The following GRIN3A variants were observed in gnomAD, a reference collection of about 807,000 sequenced individuals.
GRIN3A encodes glutamate receptor ionotropic, NMDA 3A.
Under a neutral mutation model 92.4 loss-of-function variants are expected in GRIN3A, and 47 were observed. The ratio of observed to expected loss-of-function variants is 0.51; its 90% CI spans 0.40 to 0.65. The LOEUF (loss-of-function observed/expected upper bound fraction) is 0.65, where lower values mean the gene tolerates loss of function less well. Ranked by LOEUF, GRIN3A falls within the 30% of genes least tolerant of loss-of-function variation. GRIN3A has a pLI of 0.00. For synonymous variants in GRIN3A, 527 were observed against 540.6 expected (o/e 0.97, Z 0.35); for missense variants, 1,324 against 1,393.1 (o/e 0.95, Z 0.79).
intron 6 of GRIN3A, among the ~76,000 whole-genome samples, chr9:101,580,120 C>G (rs1207584912): frequency 1.3e-5 from 2 of 152,148 alleles, no homozygotes; most frequent in African/African-American, 4.8e-5. Flanking sequence ...ATATTTATGA[C>G]TCCTCCTATA....
intron 3 of GRIN3A, among the ~76,000 whole-genome samples, chr9:101,641,358 T>A (rs1828859491): frequency 6.6e-6 from 1 of 152,166 alleles, no homozygotes; most frequent in Non-Finnish European, 1.5e-5. Context: ...GTGGCACTAT[T>A]CACAATAGCA....
intron 3 of GRIN3A, among the ~76,000 whole-genome samples, chr9:101,660,331 G>T (rs1419615022): frequency 6.6e-6 from 1 of 151,750 alleles, no homozygotes; most frequent in Admixed American, 6.6e-5. Context: ...ACAATGTCCT[G>T]GCTCAAACAC....
At chr9:101,644,934 A>G (rs1421430154) in intron 3 of GRIN3A, among the ~76,000 whole-genome samples, 2 of 151,916 alleles carry the variant, frequency 1.3e-5, no homozygotes, top group Non-Finnish European at 2.9e-5. Context: ...AGACATGCAT[A>G]CAATATGTAA....
chr9:101,715,575 T>G (rs1002461277), intron 1 of GRIN3A, among the ~76,000 whole-genome samples: 2 of 152,142 alleles, frequency 1.3e-5, no homozygotes, highest in African/African-American at 4.8e-5. Context: ...AAGTTTCACA[T>G]TTTTTTGATT....
intron 3 of GRIN3A, among the ~76,000 whole-genome samples, chr9:101,660,162 A>G (rs1255996537): frequency 6.6e-6 from 1 of 151,870 alleles, no homozygotes; most frequent in East Asian, 1.9e-4. Flanking sequence ...CTGGGGCAGC[A>G]TCATCTGTCT....
Position 101,738,239 on chromosome 9 carries a change from G to C in GRIN3A, c.-260C>G, listed in dbSNP as rs1830245352. On this transcript the variant is annotated 5_prime_UTR_variant, in exon 1 of 9. Transcript: ENST00000361820. ...ACTGCGCTGAGCAGGCAGGCGGGCG[G>C]GCCGGCGCCTGTCACCCGCAGCTGG... The C allele has an allele frequency of 2.1e-5, 11 of 521,614 alleles. No homozygotes were observed. Among genetic ancestry groups the C allele is most frequent in the Non-Finnish European group, 6.8e-6 (2 of 292,538 alleles). 32.3% of individuals were successfully genotyped at this position (521,614 alleles called of 1,614,324 possible). A position where few individuals can be genotyped will look rare whatever the true frequency, so the allele number is the denominator to read the frequency against.
intron 1 of GRIN3A, among the ~76,000 whole-genome samples, chr9:101,691,367 G>A (rs185933964): frequency 6.6e-6 from 1 of 152,046 alleles, no homozygotes; most frequent in East Asian, 1.9e-4. Flanking sequence ...GAAATAATAG[G>A]GTCCAGCAAA....
At chr9:101,637,248 A>G (rs1828796663) in intron 3 of GRIN3A, among the ~76,000 whole-genome samples, 1 of 151,936 alleles carries the variant, frequency 6.6e-6, no homozygotes, top group African/African-American at 2.4e-5. Context: ...GCCCTCCACC[A>G]CGCCCAGCTA....
intron 6 of GRIN3A, among the ~76,000 whole-genome samples, chr9:101,611,526 A>T (rs1180873989): frequency 6.6e-6 from 1 of 152,178 alleles, no homozygotes; most frequent in Non-Finnish European, 1.5e-5. Context: ...GTCCCAGTAC[A>T]CTACCAATTT....
chr9:101,716,195 T>C (rs1053205523), intron 1 of GRIN3A, among the ~76,000 whole-genome samples: 1 of 152,184 alleles, frequency 6.6e-6, no homozygotes. Context: ...AATTATCACA[T>C]AGAAATGTCA....
At chr9:101,583,456 G>GGGAAGGGAAGGAGGGAGA in intron 6 of GRIN3A, among the ~76,000 whole-genome samples, 1 of 152,118 alleles carries the variant, frequency 6.6e-6, no homozygotes, top group African/African-American at 2.4e-5. Context: ...AATGTGCTGT[G>GGGAAGGGAAGGAGGGAGA]CATATGTGCA....
At chr9:101,591,144 A>T (rs1828018497) in intron 6 of GRIN3A, among the ~76,000 whole-genome samples, 1 of 152,190 alleles carries the variant, frequency 6.6e-6, no homozygotes, top group South Asian at 2.1e-4. Context: ...TATCGGTTTA[A>T]TCTAAATATT....
intron 6 of GRIN3A, among the ~76,000 whole-genome samples, chr9:101,610,574 C>CATCTATCTATCTATCTATCT (rs145593614): frequency 7.2e-6 from 1 of 139,338 alleles, no homozygotes; most frequent in Admixed American, 7.2e-5. Context: ...AGCTTGCATC[C>CATCTATCTATCTATCTATCT]ATCTATCTAT....
chr9:101,678,179 A>G (rs1171453288), intron 2 of GRIN3A, among the ~76,000 whole-genome samples: 1 of 152,146 alleles, frequency 6.6e-6, no homozygotes, highest in Non-Finnish European at 1.5e-5. Flanking sequence ...AATTAAACAC[A>G]TGTCTTCTGC....
In GRIN3A at chr9:101,651,239, C is replaced by A. The variant is rs73660020; in HGVS notation, c.2352+18821G>T. Among the ~76,000 whole-genome samples the A allele has an allele frequency of 7.8e-4, 119 of 151,986 alleles. 1 individual carries two copies. Among genetic ancestry groups the A allele is most frequent in the African/African-American group, 2.8e-3 (116 of 41,504 alleles). ...TCAGTGATAGTTTCAAGAACAAAGA[C>A]CCCATTAATATATAATCTGTATCAG... On this transcript the variant is annotated intron_variant, in intron 3 of 8. Coordinates refer to ENST00000361820, the MANE Select transcript of GRIN3A (RefSeq NM_133445.3).
At chr9:101,688,111 G>A (rs2118980734) in intron 1 of GRIN3A, among the ~76,000 whole-genome samples, 1 of 152,236 alleles carries the variant, frequency 6.6e-6, no homozygotes, top group East Asian at 1.9e-4. Context: ...TGTTTATTAT[G>A]GGAACTATTG....
At chr9:101,724,401 T>C (rs921286230) in intron 1 of GRIN3A, among the ~76,000 whole-genome samples, 2 of 152,138 alleles carry the variant, frequency 1.3e-5, no homozygotes, top group Non-Finnish European at 2.9e-5. Context: ...GCCGGCCCGC[T>C]GCTCCGAGTG....
At chr9:101,625,700 T>C (rs1363280519) in intron 4 of GRIN3A, among the ~76,000 whole-genome samples, 1 of 152,120 alleles carries the variant, frequency 6.6e-6, no homozygotes, top group Non-Finnish European at 1.5e-5. Flanking sequence ...GGGATGTGGA[T>C]TGTCTCCTAG....
At chr9:101,604,596 T>G (rs1008619612) in intron 6 of GRIN3A, among the ~76,000 whole-genome samples, 1 of 152,126 alleles carries the variant, frequency 6.6e-6, no homozygotes, top group Non-Finnish European at 1.5e-5. Context: ...TGCCTCCCCA[T>G]AACTTTCATC....
Sources: gnomAD v4.1 joint callset for allele counts (sites outside exome capture counted in the v4.1 genomes callset) on GRCh38, gnomAD v4.1.1 for gene constraint, MANE v1.5 for transcripts, NCBI Gene and HGNC (gene_info 2026-07-23, HGNC 2026-07-21) for gene names.